The following LINGO2 variants were observed in gnomAD, a reference collection of about 807,000 sequenced individuals.
The protein encoded by LINGO2 is leucine rich repeat and Ig domain containing 2, also known as leucine-rich repeat and immunoglobulin-like domain-containing nogo receptor-interacting protein 2.
In LINGO2, 14 loss-of-function variants were observed where a neutral mutation model predicts 30.6. The observed-to-expected ratio is 0.46, with a 90% CI of 0.30 to 0.72. The LOEUF (loss-of-function observed/expected upper bound fraction) is 0.72, where lower values mean the gene tolerates loss of function less well. Ranked by LOEUF, LINGO2 falls within the 30% of genes least tolerant of loss-of-function variation. LINGO2 has a pLI of 0.07. For synonymous variants in LINGO2, 317 were observed against 288.5 expected (o/e 1.10, Z -1.00); for missense variants, 729 against 751.7 (o/e 0.97, Z 0.35).
At chr9:28,579,335 G>T (rs1483522442) in intron 1 of LINGO2, among the ~76,000 whole-genome samples, 1 of 152,006 alleles carries the variant, frequency 6.6e-6, no homozygotes, top group Non-Finnish European at 1.5e-5. Context: ...TCTGAGGGAG[G>T]GGTAATGACA....
At chr9:28,160,297 A>G (rs1828248906) in intron 4 of LINGO2, among the ~76,000 whole-genome samples, 1 of 152,312 alleles carries the variant, frequency 6.6e-6, no homozygotes, top group Middle Eastern at 3.4e-3. Context: ...GCTTGCACTG[A>G]TATCTGTGAG....
At chr9:28,022,953 G>A (rs535605011) in intron 4 of LINGO2, among the ~76,000 whole-genome samples, 1 of 152,006 alleles carries the variant, frequency 6.6e-6, no homozygotes, top group South Asian at 2.1e-4. Context: ...AGCTGTGTCT[G>A]TTCTACTAAT....
At chr9:28,225,196 T>A (rs894566234) in intron 4 of LINGO2, among the ~76,000 whole-genome samples, 6 of 152,124 alleles carry the variant, frequency 3.9e-5, no homozygotes, top group African/African-American at 1.2e-4. Flanking sequence ...GGCCAGTAAA[T>A]GAGAAACCGA....
At chr9:29,128,725 G>A in the LINGO2 span, among the ~76,000 whole-genome samples, 1 of 152,130 alleles carries the variant, frequency 6.6e-6, no homozygotes, top group African/African-American at 2.4e-5. Flanking sequence ...TAAAACCAGT[G>A]AGTTTGTCTT....
chr9:28,845,941 A>G, the LINGO2 span, among the ~76,000 whole-genome samples: 1 of 151,582 alleles, frequency 6.6e-6, no homozygotes, highest in Non-Finnish European at 1.5e-5. Context: ...CACTGGAGGT[A>G]CAATATCCCT....
chr9:28,736,038 A>G, the LINGO2 span, among the ~76,000 whole-genome samples: 7 of 152,220 alleles, frequency 4.6e-5, no homozygotes. Context: ...TCATGATTGC[A>G]TAGCAAAAGA....
At chr9:28,199,265 A>T (rs1043101511) in intron 4 of LINGO2, among the ~76,000 whole-genome samples, 1 of 152,150 alleles carries the variant, frequency 6.6e-6, no homozygotes, top group Non-Finnish European at 1.5e-5. Flanking sequence ...GCATTTCATT[A>T]AATCCAAGGG....
the LINGO2 span, among the ~76,000 whole-genome samples, chr9:28,735,586 C>T: frequency 2.0e-5 from 3 of 151,740 alleles, no homozygotes; most frequent in African/African-American, 7.3e-5. Flanking sequence ...TTAGGTAATC[C>T]CATATTCCCT....
chr9:28,125,564 C>T (rs1827213112), intron 4 of LINGO2, among the ~76,000 whole-genome samples: 1 of 152,268 alleles, frequency 6.6e-6, no homozygotes, highest in Non-Finnish European at 1.5e-5. Context: ...TAGACCCAAC[C>T]TTATGAACAT....
At chr9:28,027,825 T>G (rs1823458207) in intron 4 of LINGO2, among the ~76,000 whole-genome samples, 1 of 152,148 alleles carries the variant, frequency 6.6e-6, no homozygotes, top group African/African-American at 2.4e-5. Flanking sequence ...TAGACAGCAA[T>G]TGGTAGTGAT....
At chr9:28,823,291 G>A in the LINGO2 span, among the ~76,000 whole-genome samples, 10 of 152,044 alleles carry the variant, frequency 6.6e-5, no homozygotes, top group Non-Finnish European at 1.5e-4. Context: ...TATGACAGTG[G>A]GCCACTAAAT....
At chr9:27,942,940 G>C in the LINGO2 span, 2 of 152,012 alleles carry the variant, frequency 1.3e-5, no homozygotes, top group African/African-American at 4.8e-5. Context: ...TTTGTAACTG[G>C]GGAGAAAAAC....
chr9:28,543,042 CA>C (rs1435880412), intron 1 of LINGO2, among the ~76,000 whole-genome samples: 1 of 152,000 alleles, frequency 6.6e-6, no homozygotes, highest in Non-Finnish European at 1.5e-5. Flanking sequence ...TGTCCTTTGC[CA>C]AATGCACTAG....
the LINGO2 span, among the ~76,000 whole-genome samples, chr9:28,862,576 A>C: frequency 7.4e-4 from 112 of 152,248 alleles, no homozygotes; most frequent in Middle Eastern, 3.4e-3. Context: ...CTTCTAAGGA[A>C]TGAAACATAA....
At chr9:28,041,833 A>G (rs926184892) in intron 4 of LINGO2, among the ~76,000 whole-genome samples, 1 of 152,146 alleles carries the variant, frequency 6.6e-6, no homozygotes, top group Non-Finnish European at 1.5e-5. Context: ...TTGTAACTCA[A>G]AAAGTTTATA....
At chr9:28,488,843 A>G (rs6476071) in intron 1 of LINGO2, among the ~76,000 whole-genome samples, 107,867 of 152,028 alleles carry the variant, frequency 0.71, 38,373 homozygotes, top group South Asian at 0.77. Context: ...TGGTGCTTGA[A>G]TTAATCATAT....
chr9:28,786,257 C>T, the LINGO2 span, among the ~76,000 whole-genome samples: 1 of 152,116 alleles, frequency 6.6e-6, no homozygotes, highest in Admixed American at 6.5e-5. Context: ...ACCTCTCCTA[C>T]CATGACACCT....
At chr9:28,139,090 A>C (rs1420738823) in intron 4 of LINGO2, among the ~76,000 whole-genome samples, 1 of 152,224 alleles carries the variant, frequency 6.6e-6, no homozygotes, top group African/African-American at 2.4e-5. Context: ...CAAAAAACTT[A>C]GAGCAGTGCT....
chr9:29,042,494 G>T, the LINGO2 span, among the ~76,000 whole-genome samples: 1 of 151,704 alleles, frequency 6.6e-6, no homozygotes, highest in South Asian at 2.1e-4. Context: ...TCAATAACAT[G>T]GACTACTACT....
Sources: allele counts gnomAD v4.1 joint callset (sites outside exome capture counted in the v4.1 genomes callset), GRCh38; gene constraint gnomAD v4.1.1; transcripts MANE v1.5; gene names NCBI Gene and HGNC (gene_info 2026-07-23, HGNC 2026-07-21).